The following PALM2AKAP2 variants were observed in gnomAD, a reference collection of about 807,000 sequenced individuals.
PALM2AKAP2 encodes PALM2-AKAP2 fusion protein.
Under a neutral mutation model 71.5 loss-of-function variants are expected in PALM2AKAP2, and 37 were observed. The observed-to-expected ratio is 0.52, with a 90% CI of 0.40 to 0.68. The LOEUF (loss-of-function observed/expected upper bound fraction) is 0.68, where lower values mean the gene tolerates loss of function less well. PALM2AKAP2 is among the 30% of genes least tolerant of loss of function. The probability of loss-of-function intolerance (pLI) is 0.00; values close to 1 mark genes in which losing one functional copy is unlikely to be tolerated. For missense variants in PALM2AKAP2, 1,224 were observed against 1,191.8 expected (o/e 1.03, Z -0.40); for synonymous variants, 468 against 478.8 (o/e 0.98, Z 0.29).
At chr9:110,164,202 C>A (rs1436123699) in intron 3 of PALM2AKAP2, among the ~76,000 whole-genome samples, 2 of 152,090 alleles carry the variant, frequency 1.3e-5, no homozygotes, top group African/African-American at 4.8e-5. Flanking sequence ...CCATTTAAAA[C>A]AATGAAAATC....
At chr9:110,168,562 T>A (rs754831884) in exon 4 of PALM2AKAP2, 9 of 1,568,524 alleles carry the variant, frequency 5.7e-6, no homozygotes, top group Non-Finnish European at 7.8e-6. Flanking sequence ...AATTAACAAC[T>A]GAAAGCATTT....
At chr9:109,722,185 A>G (rs1349105369) in intron 1 of PALM2AKAP2, among the ~76,000 whole-genome samples, 1 of 152,256 alleles carries the variant, frequency 6.6e-6, no homozygotes, top group East Asian at 1.9e-4. Context: ...GTGGAGTACT[A>G]TGCAGCTGTT....
chr9:109,716,405 G>A (rs1482277378), intron 1 of PALM2AKAP2, among the ~76,000 whole-genome samples: 1 of 152,222 alleles, frequency 6.6e-6, no homozygotes, highest in Non-Finnish European at 1.5e-5. Flanking sequence ...TTAGGCTGGA[G>A]AAGGGTTACC....
chr9:110,060,320 C>T (rs1184688539), intron 1 of PALM2AKAP2, among the ~76,000 whole-genome samples: 1 of 152,042 alleles, frequency 6.6e-6, no homozygotes, highest in Non-Finnish European at 1.5e-5. Context: ...CCAGGCTGGT[C>T]TCGAACTCCT....
intron 1 of PALM2AKAP2, among the ~76,000 whole-genome samples, chr9:110,117,365 T>G (rs1835386112): frequency 6.6e-6 from 1 of 152,182 alleles, no homozygotes; most frequent in Non-Finnish European, 1.5e-5. Flanking sequence ...GCTCAAGTTA[T>G]CTTCCCACCT....
intron 1 of PALM2AKAP2, among the ~76,000 whole-genome samples, chr9:109,641,893 ATCC>A (rs900734097): frequency 6.6e-5 from 10 of 151,900 alleles, no homozygotes; most frequent in African/African-American, 2.4e-4. Flanking sequence ...ATGCAATTTA[ATCC>A]TCAGAAAGGC....
intron 2 of PALM2AKAP2, among the ~76,000 whole-genome samples, chr9:109,868,878 G>A (rs1386996218): frequency 6.6e-6 from 1 of 152,342 alleles, no homozygotes. Flanking sequence ...GAGGGAGGAT[G>A]GAGGGCTAAA....
chr9:110,063,749 TTCC>T (rs1834015627), intron 1 of PALM2AKAP2, among the ~76,000 whole-genome samples: 1 of 152,178 alleles, frequency 6.6e-6, no homozygotes, highest in African/African-American at 2.4e-5. Flanking sequence ...TGGCTCAAAT[TTCC>T]TCTTCTGTAA....
At chr9:110,136,081 A>C in intron 1 of PALM2AKAP2, 46 bp from the exon 8 acceptor site, 162 of 1,510,608 alleles carry the variant, frequency 1.1e-4, no homozygotes, top group Middle Eastern at 1.8e-4. Context: ...CACATCCATA[A>C]GAGATGCAGT....
chr9:110,064,764 G>A (rs1834039483), intron 1 of PALM2AKAP2, among the ~76,000 whole-genome samples: 1 of 152,150 alleles, frequency 6.6e-6, no homozygotes, highest in East Asian at 1.9e-4. Flanking sequence ...ACATTTCCAA[G>A]GTGGAAACGA....
intron 1 of PALM2AKAP2, among the ~76,000 whole-genome samples, chr9:109,835,666 G>A (rs767204050): frequency 2.6e-5 from 4 of 152,120 alleles, no homozygotes; most frequent in Non-Finnish European, 4.4e-5. Context: ...CTGGAAAATC[G>A]GGTCACTCCC....
rs560371969 is a variant in PALM2AKAP2 at position 109,786,018 on chromosome 9, T to A, written c.45+5485T>A. Among the ~76,000 whole-genome samples, 5 of 152,366 alleles carry A rather than the reference T, an allele frequency of 3.3e-5. No individual in the cohort carries two copies. In the South Asian group the frequency reaches 1.0e-3, roughly 32 times the overall value. On this transcript the variant is annotated intron_variant, in intron 1 of 9. Coordinates refer to the PALM2AKAP2 transcript ENST00000302798. ...TCAGCTAGTGAGTTTATGGCTTTCA[T>A]CTGATTCTATTCTCAGTCCTGCATA...
intron 1 of PALM2AKAP2, among the ~76,000 whole-genome samples, chr9:109,643,872 T>C (rs1827109823): frequency 6.6e-6 from 1 of 152,156 alleles, no homozygotes; most frequent in African/African-American, 2.4e-5. Flanking sequence ...CTGCAGGCTG[T>C]ATAGAAGTGT....
At chr9:110,081,457 A>G (rs1310425721) in intron 1 of PALM2AKAP2, among the ~76,000 whole-genome samples, 1 of 152,066 alleles carries the variant, frequency 6.6e-6, no homozygotes, top group Non-Finnish European at 1.5e-5. Context: ...CTTTTTTTAG[A>G]TGTCTGTGTT....
intron 1 of PALM2AKAP2, among the ~76,000 whole-genome samples, chr9:109,670,948 C>A (rs934698877): frequency 7.9e-5 from 12 of 152,010 alleles, no homozygotes; most frequent in African/African-American, 2.9e-4. Flanking sequence ...TGTCCTTTGC[C>A]CACTTCTTAA....
chr9:109,820,671 G>C (rs1290416642), intron 1 of PALM2AKAP2, among the ~76,000 whole-genome samples: 1 of 152,210 alleles, frequency 6.6e-6, no homozygotes, highest in Admixed American at 6.6e-5. Flanking sequence ...CTTGTGAGCA[G>C]ATCTTATGCC....
intron 1 of PALM2AKAP2, among the ~76,000 whole-genome samples, chr9:109,852,654 A>G (rs993825355): frequency 6.6e-6 from 1 of 152,186 alleles, no homozygotes; most frequent in Non-Finnish European, 1.5e-5. Context: ...CCAAAAACAG[A>G]GTATAAATGT....
At chr9:109,924,648 G>A (rs1324805480) in intron 4 of PALM2AKAP2, among the ~76,000 whole-genome samples, 1 of 152,016 alleles carries the variant, frequency 6.6e-6, no homozygotes, top group Non-Finnish European at 1.5e-5. Flanking sequence ...AAAACAGGTG[G>A]TGCCGTGTAT....
At chr9:109,902,983 A>C (rs1830363039) in intron 3 of PALM2AKAP2, among the ~76,000 whole-genome samples, 1 of 152,016 alleles carries the variant, frequency 6.6e-6, no homozygotes, top group Admixed American at 6.5e-5. Flanking sequence ...GGCATTGCTG[A>C]GATGACAGAG....
Sources: gnomAD v4.1 joint callset for allele counts (sites outside exome capture counted in the v4.1 genomes callset) on GRCh38, gnomAD v4.1.1 for gene constraint, MANE v1.5 for transcripts, NCBI Gene and HGNC (gene_info 2026-07-23, HGNC 2026-07-21) for gene names.